APLF: variants seen among roughly 807,000 people sequenced by gnomAD.
APLF encodes aprataxin and PNKP like factor.
A neutral mutation model predicts 55.6 loss-of-function variants in APLF; 61 were observed. The observed-to-expected ratio is 1.10, with a 90% CI of 0.89 to 1.36. The LOEUF is 1.36. APLF is among the 40% of genes most tolerant of loss of function. The pLI, the probability that APLF is intolerant of heterozygous loss-of-function variation, is 0.00. For missense variants in APLF, 611 were observed against 602.5 expected, an observed-to-expected ratio of 1.01 and a Z score of -0.15; for synonymous variants, 207 against 214.8, an observed-to-expected ratio of 0.96 and a Z score of 0.32.
At position 68,529,593 on chromosome 2, in the gene APLF, G is replaced by A. The variant is rs1233399564; in HGVS notation, c.804+3351G>A. The A allele has an allele frequency of 6.6e-6, 3 of 454,510 alleles. No individual in the cohort carries two copies. The Admixed American group carries it at 1.6e-4, about 25-fold the overall frequency. The allele number at this position is 454,510 out of a possible 1,614,324, so 28.2% of individuals were successfully genotyped here. A position where few individuals can be genotyped will look rare whatever the true frequency, so the allele number is the denominator to read the frequency against. The stretch of plus-strand genomic sequence containing the variant: ...TTTATGACATCACCATGGGGCTGGT[G>A]ACAGAGCCAGGGTGTGGAGGAGTGC... On this transcript the variant is annotated intron_variant, in intron 6 of 9. Transcript: ENST00000303795. This position sits in a 1 kb window ranked among gnomAD's most constrained non-coding sequence, Gnocchi z 4.4.
chr2:68,537,857 A>T lies in APLF; in HGVS notation c.805-15A>T. 6.6e-7 allele frequency: 1 copy of T among 1,505,496 alleles called. No individual in the cohort carries two copies. Among genetic ancestry groups the T allele is most frequent in the Admixed American group, 2.1e-5 (1 of 47,410 alleles). The allele number at this position is 1,505,496 out of a possible 1,614,324, so 93.3% of individuals were successfully genotyped here. A position where few individuals can be genotyped will look rare whatever the true frequency, so the allele number is the denominator to read the frequency against. On this transcript the variant is annotated splice_polypyrimidine_tract_variant and intron_variant, in intron 6 of 9. Coordinates refer to ENST00000303795, the MANE Select transcript of APLF (RefSeq NM_173545.3). ...GTTTCATTTATTTCTGATGTTTTTC[A>T]TATTTGTTTTACAGGAAATGCCACA...
At chr2:68,513,498 T>C (rs1157149755) in intron 4 of APLF, 50 bp from the exon 5 acceptor site, 1 of 1,592,842 alleles carries the variant, frequency 6.3e-7, no homozygotes, top group East Asian at 2.2e-5. Flanking sequence ...ATTTTGCAAA[T>C]TCATTCAAGA....
At chr2:68,488,251 C>G (rs1276830733) in intron 1 of APLF, among the ~76,000 whole-genome samples, 2 of 151,798 alleles carry the variant, frequency 1.3e-5, no homozygotes, top group African/African-American at 4.8e-5. Context: ...TGCTTACTCT[C>G]AGCCGCATTT....
In APLF at chr2:68,529,219, A is replaced by G. The variant is rs1451850969; in HGVS notation, c.804+2977A>G. On this transcript the variant is annotated intron_variant, in intron 6 of 9. Coordinates refer to ENST00000303795, the MANE Select transcript of APLF (RefSeq NM_173545.3). This position sits in a 1 kb window ranked among gnomAD's most constrained non-coding sequence, Gnocchi z 4.4. Reference sequence around the variant, plus strand: ...CCCTCTGTGGGGTGCCCGTGTTCCAAGGGATAAGACACAGCCTCATAAGGG... The same window carrying G: ...CCCTCTGTGGGGTGCCCGTGTTCCAGGGGATAAGACACAGCCTCATAAGGG... The G allele has an allele frequency of 5.6e-6, 7 of 1,250,748 alleles. No homozygotes were observed. In the Admixed American group the frequency reaches 1.6e-4, roughly 29 times the overall value. 77.5% of individuals were successfully genotyped at this position (1,250,748 alleles called of 1,614,324 possible).
intron 1 of APLF, among the ~76,000 whole-genome samples, chr2:68,480,479 T>G (rs1473532118): frequency 6.6e-6 from 1 of 151,916 alleles, no homozygotes; most frequent in Non-Finnish European, 1.5e-5. Context: ...AATTTTTGTA[T>G]TTTTTGTGGA....
chr2:68,538,044 A>C lies in APLF; in HGVS notation c.977A>C (p.Glu326Ala), dbSNP rs539060439. The change falls in exon 7 of 10, where the codon GAA (glutamate) becomes GCA (alanine). Residue 326 changes from glutamate (E) to alanine (A), a missense_variant. Glu to Ala is a moderately radical substitution (Grantham distance 107, BLOSUM62 -1). Transcript: ENST00000303795. ...GAAGATGAGGCAATGAGCTGTTCTG[A>C]AAATTGTTCGAGTGCCCAGGGCGAC... ...HKEDEAMSCSENCSSAQGDSL... is the reference protein window; with the variant it reads ...HKEDEAMSCSANCSSAQGDSL... 1.9e-6 allele frequency: 3 copies of C among 1,614,158 alleles called. No homozygotes were observed. The South Asian group carries it at 3.3e-5, about 18-fold the overall frequency.
At chr2:68,545,742 TCTC>T (rs771731349) in intron 8 of APLF, among the ~76,000 whole-genome samples, 3 of 152,194 alleles carry the variant, frequency 2.0e-5, no homozygotes, top group Non-Finnish European at 2.9e-5. Context: ...TAAGAATACT[TCTC>T]CTCTCAGTTT....
At chr2:68,546,262 A>G (rs1194292708) in intron 8 of APLF, among the ~76,000 whole-genome samples, 8 of 152,112 alleles carry the variant, frequency 5.3e-5, no homozygotes, top group South Asian at 2.1e-4. Flanking sequence ...TATAAGAGAA[A>G]TTGAATATAT....
At chr2:68,547,392 T>C (rs1019369213) in intron 8 of APLF, among the ~76,000 whole-genome samples, 3 of 151,796 alleles carry the variant, frequency 2.0e-5, no homozygotes, top group African/African-American at 7.2e-5. Flanking sequence ...CTAAAATGTA[T>C]ATGGATTACA....
intron 6 of APLF, among the ~76,000 whole-genome samples, chr2:68,533,395 C>A (rs1670311487): frequency 6.6e-6 from 1 of 152,138 alleles, no homozygotes; most frequent in Admixed American, 6.5e-5. Flanking sequence ...CTAACTGAAA[C>A]AACATAAGCG....
At chr2:68,482,071 T>C (rs373499658) in intron 1 of APLF, among the ~76,000 whole-genome samples, 10 of 150,906 alleles carry the variant, frequency 6.6e-5, no homozygotes, top group African/African-American at 2.2e-4. Context: ...TTTTGAATTC[T>C]TTTTCTGGCA....
At chr2:68,518,666 A>T (rs1180237872) in intron 5 of APLF, among the ~76,000 whole-genome samples, 9 of 90,280 alleles carry the variant, frequency 1.0e-4, no homozygotes, top group Non-Finnish European at 1.5e-4. Flanking sequence ...ATATATAATA[A>T]ATCAATATAT....
rs984216255 is a variant in APLF, at chr2:68,529,124, A to T, written c.804+2882A>T. ...CCTCACGGGGCTGAGGTATCCAAAC[A>T]TCCTGGAGTTGCGAGCAGACAGCAC... On this transcript the variant is annotated intron_variant, in intron 6 of 9. Coordinates refer to ENST00000303795, the MANE Select transcript of APLF (RefSeq NM_173545.3). The surrounding 1 kb of genome is among the most constrained non-coding windows in gnomAD (Gnocchi z 4.4). The T allele has an allele frequency of 8.9e-6, 12 of 1,350,648 alleles. No individual in the cohort carries two copies. The African/African-American group carries it at 1.4e-4, about 16-fold the overall frequency. 83.7% of individuals were successfully genotyped at this position (1,350,648 alleles called of 1,614,324 possible).
rs72901968 is a variant in APLF, at chr2:68,536,432, C to G, written c.805-1440C>G. Among the ~76,000 whole-genome samples the G allele has an allele frequency of 6.4e-3, 976 of 152,068 alleles. 7 individuals carry two copies. Among genetic ancestry groups the G allele is most frequent in the African/African-American group, 0.022 (933 of 41,474 alleles). On this transcript the variant is annotated intron_variant, in intron 6 of 9. Transcript: ENST00000303795. ...AAACCAGCTCTTTTTCAGATGGCAT[C>G]CAGCATACATGAGTCTTTAGTTATA...
intron 8 of APLF, among the ~76,000 whole-genome samples, chr2:68,558,843 C>G (rs185563318): frequency 3.7e-4 from 57 of 152,144 alleles, no homozygotes; most frequent in Middle Eastern, 3.4e-3. Flanking sequence ...GTTGTTCCCC[C>G]CAGTGTGTCC....
intron 7 of APLF, among the ~76,000 whole-genome samples, chr2:68,540,786 G>T (rs1670526441): frequency 1.6e-5 from 2 of 124,988 alleles, no homozygotes; most frequent in Admixed American, 1.5e-4. Flanking sequence ...GTGTGTGTGT[G>T]TATGTGTGTG....
rs1670171794 is a variant in APLF at position 68,529,181 on chromosome 2, A to G, written c.804+2939A>G. On this transcript the variant is annotated intron_variant, in intron 6 of 9. Coordinates refer to ENST00000303795, the MANE Select transcript of APLF (RefSeq NM_173545.3). The surrounding 1 kb of genome is among the most constrained non-coding windows in gnomAD (Gnocchi z 4.4). ...CTTCCTTGAGGGGGGGCTCCAGACA[A>G]CAGGAGGCAGGACCCTCTGTGGGGT... 1.6e-6 allele frequency: 2 copies of G among 1,288,898 alleles called. No homozygotes were observed. Among genetic ancestry groups the G allele is most frequent in the Admixed American group, 2.2e-5 (1 of 45,136 alleles). 79.8% of individuals were successfully genotyped at this position (1,288,898 alleles called of 1,614,324 possible).
chr2:68,484,399 C>T (rs1208763488), intron 1 of APLF, among the ~76,000 whole-genome samples: 1 of 151,970 alleles, frequency 6.6e-6, no homozygotes, highest in Non-Finnish European at 1.5e-5. Context: ...ATTAAGAATG[C>T]AGTTTAGGGC....
chr2:68,497,593 T>C (rs1316510755), intron 2 of APLF, among the ~76,000 whole-genome samples: 1 of 151,986 alleles, frequency 6.6e-6, no homozygotes, highest in Non-Finnish European at 1.5e-5. Flanking sequence ...TTTTTTTTTT[T>C]TAAATAAATT....
Sources: allele counts gnomAD v4.1 joint callset (sites outside exome capture counted in the v4.1 genomes callset), GRCh38; gene constraint gnomAD v4.1.1; non-coding constraint Gnocchi (gnomAD v3.1); transcripts MANE v1.5; gene names NCBI Gene and HGNC (gene_info 2026-07-23, HGNC 2026-07-21).